Variants in FHOD3 observed in about 807,000 individuals in gnomAD.
FHOD3 encodes formin homology 2 domain containing 3.
In FHOD3, 90 loss-of-function variants were observed where a neutral mutation model predicts 173.0. The observed-to-expected ratio is 0.52, with a 90% confidence interval of 0.44 to 0.62. FHOD3 has a LOEUF of 0.62. Ranked by LOEUF, FHOD3 falls within the 20% of genes least tolerant of loss-of-function variation. The probability of loss-of-function intolerance (pLI) is 0.00; values close to 1 mark genes in which losing one functional copy is unlikely to be tolerated. For missense variants in FHOD3, 1,945 were observed against 2,034.7 expected (o/e 0.96, Z 0.85); for synonymous variants, 828 against 823.0 (o/e 1.01, Z -0.10).
At chr18:36,667,428 A>G (rs1353654416) in intron 14 of FHOD3, among the ~76,000 whole-genome samples, 1 of 152,196 alleles carries the variant, frequency 6.6e-6, no homozygotes, top group African/African-American at 2.4e-5. Context: ...ATAAACAAAG[A>G]TAGAGACATT....
intron 5 of FHOD3, among the ~76,000 whole-genome samples, chr18:36,566,671 A>G (rs1261072358): frequency 2.0e-5 from 3 of 152,156 alleles, no homozygotes; most frequent in Non-Finnish European, 2.9e-5. Context: ...AAGGCGGGAG[A>G]CCAGCCAGGA....
At chr18:36,366,082 A>G (rs2046884834) in intron 2 of FHOD3, among the ~76,000 whole-genome samples, 1 of 152,194 alleles carries the variant, frequency 6.6e-6, no homozygotes, top group Admixed American at 6.5e-5. Flanking sequence ...AGGCTGACGC[A>G]CTTAGAGTTG....
chr18:36,531,237 A>C (rs2056766669), intron 5 of FHOD3, among the ~76,000 whole-genome samples: 1 of 152,172 alleles, frequency 6.6e-6, no homozygotes, highest in Non-Finnish European at 1.5e-5. Context: ...CCATCTGTGA[A>C]GGATGCAAGC....
At chr18:36,560,373 A>T (rs1290775415) in intron 5 of FHOD3, among the ~76,000 whole-genome samples, 1 of 152,232 alleles carries the variant, frequency 6.6e-6, no homozygotes, top group Non-Finnish European at 1.5e-5. Context: ...TAAGTACCAG[A>T]GGTCAAATCA....
intron 9 of FHOD3, among the ~76,000 whole-genome samples, chr18:36,613,480 G>C (rs2032901154): frequency 6.6e-6 from 1 of 152,204 alleles, no homozygotes; most frequent in Non-Finnish European, 1.5e-5. Flanking sequence ...GCCATGGCCA[G>C]TTAGGGGCAG....
At chr18:36,318,655 A>G (rs577360594) in intron 1 of FHOD3, among the ~76,000 whole-genome samples, 1 of 152,350 alleles carries the variant, frequency 6.6e-6, no homozygotes, top group South Asian at 2.1e-4. Flanking sequence ...CTAAATATAC[A>G]ATCATGTCAT....
chr18:36,311,905 G>T (rs1346332965), intron 1 of FHOD3, among the ~76,000 whole-genome samples: 1 of 152,082 alleles, frequency 6.6e-6, no homozygotes, highest in Non-Finnish European at 1.5e-5. Context: ...TTCCCTCTGA[G>T]ATCCTCCCAT....
chr18:36,404,303 G>T (rs1668807889), intron 3 of FHOD3, among the ~76,000 whole-genome samples: 1 of 152,194 alleles, frequency 6.6e-6, no homozygotes, highest in South Asian at 2.1e-4. Flanking sequence ...TTCATATCCA[G>T]ACCTGGCCTC....
chr18:36,602,680 A>T lies in FHOD3; in HGVS notation c.725A>T (p.Lys242Ile), dbSNP rs764658348. The change falls in exon 8 of 29, where the codon AAA (lysine) becomes ATA (isoleucine). Residue 242 changes from lysine to isoleucine, a missense_variant. Lys to Ile is a moderately radical substitution (Grantham distance 102, BLOSUM62 -3). Around this residue, in one of 5 missense-constraint regions of FHOD3, gnomAD observed 1,099 missense variants for 1,051.2 expected, o/e 1.05. Transcript: ENST00000590592. Reference protein sequence around the residue: ...VTAVDTKRGVKPWSNIMEILE... With the variant: ...VTAVDTKRGVIPWSNIMEILE... ...ATTTTTGCTTTACTCATAGGGGTCA[A>T]ACCTTGGTCAAATATCATGGAAATC... The T allele has an allele frequency of 1.1e-5, 18 of 1,613,784 alleles. No individual in the cohort carries two copies. The highest frequency in any genetic ancestry group is 1.5e-5 in the Non-Finnish European group (18 of 1,179,730).
chr18:36,421,199 A>T (rs904450130), intron 3 of FHOD3, among the ~76,000 whole-genome samples: 5 of 152,242 alleles, frequency 3.3e-5, no homozygotes, highest in Non-Finnish European at 5.9e-5. Flanking sequence ...AACATTTTTT[A>T]AAATGGAAAT....
At position 36,437,826 on chromosome 18, in the gene FHOD3, G is replaced by T. The variant is rs2050901461; in HGVS notation, c.338-64106G>T. 2.0e-5 allele frequency among the ~76,000 whole-genome samples: 3 copies of T among 152,034 alleles called. 1 individual carries two copies. The highest frequency in any genetic ancestry group is 2.0e-4 in the Admixed American group (3 of 15,266). On this transcript the variant is annotated intron_variant, in intron 3 of 28. Transcript: ENST00000590592. ...TTACAGACACGTGCCACCACAGCCA[G>T]CTAATTTTTATATTTTTAGTAGAGA...
chr18:36,742,623 A>G (rs939349393), intron 21 of FHOD3, 114 bp from the exon 22 acceptor site: 26 of 1,174,672 alleles, frequency 2.2e-5, no homozygotes, highest in Non-Finnish European at 3.1e-5. Flanking sequence ...ATCGCGGGGG[A>G]TTGCCTTGTG....
At chr18:36,568,181 A>AT (rs1042748946) in intron 5 of FHOD3, among the ~76,000 whole-genome samples, 2 of 110,370 alleles carry the variant, frequency 1.8e-5, no homozygotes, top group Admixed American at 1.1e-4. Flanking sequence ...AAAAAAAAAA[A>AT]AAATAAATTA....
At chr18:36,335,629 G>C (rs1252726695) in intron 1 of FHOD3, among the ~76,000 whole-genome samples, 1 of 152,192 alleles carries the variant, frequency 6.6e-6, no homozygotes, top group Admixed American at 6.5e-5. Context: ...TGGCCTAGTA[G>C]AAATGGCTGT....
In FHOD3 at chr18:36,692,594, C is replaced by G. The variant is rs187640657; in HGVS notation, c.2022-615C>G. On this transcript the variant is annotated intron_variant, in intron 16 of 28. Transcript: ENST00000590592. ...TTAAACTGACTTTGATGAATAAACT[C>G]TATGTGACGTCAGGTTCAAGCTATT... Among the ~76,000 whole-genome samples the G allele has an allele frequency of 4.6e-3, 693 of 152,270 alleles. 5 individuals carry two copies. The highest frequency in any genetic ancestry group is 0.021 in the South Asian group (102 of 4,830).
intron 5 of FHOD3, among the ~76,000 whole-genome samples, chr18:36,526,988 T>C (rs1256841160): frequency 6.6e-6 from 1 of 152,202 alleles, no homozygotes; most frequent in Non-Finnish European, 1.5e-5. Context: ...AAATTACAGT[T>C]GAGATGTTAA....
chr18:36,718,035 C>A lies in FHOD3; in HGVS notation c.2737C>A (p.Gln913Lys), dbSNP rs768730922. ...CCTTGCTACCAGGATATCCACCCTG[C>A]AGGCCAACTCTCAGACCCAGGATGA... Reference protein sequence around the residue: ...ASLATRISTLQANSQTQDESV... With the variant: ...ASLATRISTLKANSQTQDESV... The change falls in exon 19 of 29, where the codon CAG becomes AAG. Residue 913 changes from glutamine (Q) to lysine (K), a missense_variant. Physicochemically the swap from Gln to Lys is moderately conservative, Grantham distance 53 (BLOSUM62 1). Around this residue, in one of 5 missense-constraint regions of FHOD3, gnomAD observed 1,099 missense variants for 1,051.2 expected, o/e 1.05. Transcript: ENST00000590592. The A allele has an allele frequency of 7.5e-6, 12 of 1,604,340 alleles. No homozygotes were observed. Among genetic ancestry groups the A allele is most frequent in the Non-Finnish European group, 1.0e-5 (12 of 1,175,040 alleles).
intron 14 of FHOD3, among the ~76,000 whole-genome samples, chr18:36,678,205 T>C (rs621214): frequency 0.46 from 69,327 of 151,970 alleles, 15,972 homozygotes; most frequent in East Asian, 0.53. Context: ...AACATCCTTA[T>C]ATTATTTTTA....
intron 10 of FHOD3, among the ~76,000 whole-genome samples, chr18:36,627,420 A>G (rs946319113): frequency 2.6e-5 from 4 of 152,154 alleles, no homozygotes; most frequent in African/African-American, 9.6e-5. Flanking sequence ...ATGCTTTGCA[A>G]TAGGCTGGTA....
Sources: gnomAD v4.1 joint callset for allele counts (sites outside exome capture counted in the v4.1 genomes callset) on GRCh38, gnomAD v4.1.1 for gene constraint, gnomAD v4.1.1 regional missense constraint, MANE v1.5 for transcripts, NCBI Gene and HGNC (gene_info 2026-07-23, HGNC 2026-07-21) for gene names.